The following HNRNPUL1 variants were observed in gnomAD, a reference collection of about 807,000 sequenced individuals.
The protein encoded by HNRNPUL1 is heterogeneous nuclear ribonucleoprotein U like 1, also known as heterogeneous nuclear ribonucleoprotein U-like protein 1.
Under a neutral mutation model 108.5 loss-of-function variants are expected in HNRNPUL1, and 14 were observed. That is an observed-to-expected ratio of 0.13 (90% CI 0.09 to 0.20). HNRNPUL1 has a LOEUF of 0.20. HNRNPUL1 is among the 10% of genes least tolerant of loss of function. HNRNPUL1 has a pLI of 1.00. For synonymous variants in HNRNPUL1, 422 were observed against 445.2 expected (o/e 0.95, Z 0.66); for missense variants, 804 against 1,168.3 (o/e 0.69, Z 4.55).
rs781111226 is a variant in HNRNPUL1 at position 41,273,943 on chromosome 19, C to T, written c.573-39C>T. On this transcript the variant is annotated intron_variant, in intron 3 of 14. Transcript: ENST00000392006. ...TCATTTTCTTTCCTTTGTGCTCATCCATTGTTCTTGTATGACTTAACCCCT... is the reference window on the plus strand; with the variant it reads ...TCATTTTCTTTCCTTTGTGCTCATCTATTGTTCTTGTATGACTTAACCCCT... The T allele has an allele frequency of 1.9e-5, 28 of 1,480,142 alleles. No individual in the cohort carries two copies. The South Asian group carries it at 2.9e-4, about 16-fold the overall frequency. The allele number at this position is 1,480,142 out of a possible 1,614,324, so 91.7% of individuals were successfully genotyped here. A position where few individuals can be genotyped will look rare whatever the true frequency, so the allele number is the denominator to read the frequency against.
intron 5 of HNRNPUL1, among the ~76,000 whole-genome samples, chr19:41,277,974 A>G (rs189174637): frequency 3.5e-4 from 53 of 150,672 alleles, no homozygotes; most frequent in Non-Finnish European, 1.0e-4. Context: ...TTTTAACTTA[A>G]TACTGTATCT....
At chr19:41,283,684 G>T (rs560450243) in intron 7 of HNRNPUL1, among the ~76,000 whole-genome samples, 28 of 152,160 alleles carry the variant, frequency 1.8e-4, no homozygotes, top group African/African-American at 5.8e-4. Flanking sequence ...TTGAACTCCT[G>T]ACCTTAGGTG....
In HNRNPUL1 at chr19:41,305,809, C is replaced by T; in HGVS notation, c.2396C>T (p.Pro799Leu). 1 of 1,612,110 alleles carries T rather than the reference C, an allele frequency of 6.2e-7. No individual in the cohort carries two copies. The highest frequency in any genetic ancestry group is 8.5e-7 in the Non-Finnish European group (1 of 1,178,868). ...GGTTACAACCCGGCCCCCTATACCCCACCGCCACCCCCCACTGCACAGACC... is the reference window on the plus strand; with the variant it reads ...GGTTACAACCCGGCCCCCTATACCCTACCGCCACCCCCCACTGCACAGACC... Reference protein sequence around the residue: ...YGGYNPAPYTPPPPPTAQTYP... With the variant: ...YGGYNPAPYTLPPPPTAQTYP... The change falls in exon 14 of 15, where the codon CCA becomes CTA. Residue 799 changes from proline (P) to leucine (L), a missense_variant. Pro to Leu is a moderately conservative substitution (Grantham distance 98). Transcript: ENST00000392006.
At chr19:41,276,117 A>G (rs1168682818) in intron 4 of HNRNPUL1, 42 bp from the exon 5 acceptor site, 2 of 1,613,258 alleles carry the variant, frequency 1.2e-6, no homozygotes, top group African/African-American at 2.7e-5. Context: ...AAAACAAAAC[A>G]AAATAAAAAC....
intron 4 of HNRNPUL1, among the ~76,000 whole-genome samples, chr19:41,275,566 G>A (rs903006510): frequency 2.6e-5 from 4 of 152,120 alleles, no homozygotes; most frequent in Admixed American, 2.6e-4. Flanking sequence ...AAAGACATGT[G>A]TTGACAATTT....
chr19:41,277,317 A>G (rs2035624659), intron 5 of HNRNPUL1, among the ~76,000 whole-genome samples: 1 of 152,162 alleles, frequency 6.6e-6, no homozygotes, highest in African/African-American at 2.4e-5. Flanking sequence ...GATTATCTCC[A>G]TTAATCCTCA....
At chr19:41,269,089 C>T (rs190840798) in intron 2 of HNRNPUL1, among the ~76,000 whole-genome samples, 15 of 151,682 alleles carry the variant, frequency 9.9e-5, no homozygotes, top group Admixed American at 7.2e-4. Context: ...TGTGCTATAT[C>T]GTCTCTTGGA....
At chr19:41,304,720 A>T (rs1390239956) in intron 13 of HNRNPUL1, among the ~76,000 whole-genome samples, 1 of 152,228 alleles carries the variant, frequency 6.6e-6, no homozygotes, top group Admixed American at 6.5e-5. Context: ...AATCCTGAGC[A>T]GCTCCAGGCT....
chr19:41,270,329 A>G (rs2035146138), intron 2 of HNRNPUL1, among the ~76,000 whole-genome samples: 1 of 152,018 alleles, frequency 6.6e-6, no homozygotes, highest in Non-Finnish European at 1.5e-5. Flanking sequence ...CACTTGAGCT[A>G]GGAAGTTGAG....
chr19:41,287,406 A>G (rs995889380), intron 7 of HNRNPUL1, among the ~76,000 whole-genome samples: 4 of 152,100 alleles, frequency 2.6e-5, no homozygotes, highest in African/African-American at 9.7e-5. Flanking sequence ...AAATTTTGTC[A>G]CTTGTCCCAA....
chr19:41,282,508 A>G (rs2035957295), intron 7 of HNRNPUL1, among the ~76,000 whole-genome samples: 1 of 151,838 alleles, frequency 6.6e-6, no homozygotes, highest in African/African-American at 2.4e-5. Flanking sequence ...ACTTTGAGAT[A>G]AATTCAAACT....
At chr19:41,290,233 C>T (rs896499647) in intron 7 of HNRNPUL1, among the ~76,000 whole-genome samples, 42 of 152,296 alleles carry the variant, frequency 2.8e-4, no homozygotes, top group African/African-American at 9.6e-4. Context: ...TTGCTTCAGT[C>T]TGCTATCTAA....
In HNRNPUL1 at chr19:41,306,439, C is replaced by T. The variant is rs142080577; in HGVS notation, c.2455-10C>T. The stretch of plus-strand genomic sequence containing the variant: ...CAGGACAACTTGGTGTTCTTGGTTT[C>T]TTTCCCCAGTATGCCCAGCAGTGGA... On this transcript the variant is annotated splice_polypyrimidine_tract_variant and intron_variant, in intron 14 of 14. Transcript: ENST00000392006. The T allele has an allele frequency of 6.4e-7, 1 of 1,563,258 alleles. No homozygotes were observed. The highest frequency in any genetic ancestry group is 1.4e-5 in the African/African-American group (1 of 73,114).
chr19:41,296,867 T>A (rs1447185882), intron 10 of HNRNPUL1, among the ~76,000 whole-genome samples: 1 of 152,158 alleles, frequency 6.6e-6, no homozygotes, highest in African/African-American at 2.4e-5. Context: ...AGTGGTCAGA[T>A]CTCCCCAGAT....
chr19:41,285,286 G>C (rs1479382073), intron 7 of HNRNPUL1, among the ~76,000 whole-genome samples: 1 of 152,162 alleles, frequency 6.6e-6, no homozygotes, highest in East Asian at 1.9e-4. Flanking sequence ...AAGTGCAGTG[G>C]TATGATCTCA....
intron 2 of HNRNPUL1, 23 bp from the exon 3 acceptor site, chr19:41,272,059 A>G (rs1326285125): frequency 6.2e-7 from 1 of 1,612,638 alleles, no homozygotes; most frequent in Admixed American, 1.7e-5. Context: ...TGTCTTGACC[A>G]TCTGAATTTG....
chr19:41,274,145 C>T, intron 4 of HNRNPUL1, 90 bp downstream of exon 4: 2 of 1,043,702 alleles, frequency 1.9e-6, no homozygotes, highest in South Asian at 2.6e-5. Flanking sequence ...CTGCTGGGCA[C>T]CGTCCAAAGA....
chr19:41,297,587 C>G (rs960665780), intron 10 of HNRNPUL1, among the ~76,000 whole-genome samples: 1 of 152,212 alleles, frequency 6.6e-6, no homozygotes, highest in Non-Finnish European at 1.5e-5. Context: ...CAGGAACTGA[C>G]TGGCCTGCTG....
chr19:41,288,514 G>A (rs1326115219), intron 7 of HNRNPUL1, among the ~76,000 whole-genome samples: 1 of 152,162 alleles, frequency 6.6e-6, no homozygotes, highest in African/African-American at 2.4e-5. Flanking sequence ...AAAGTGCTGA[G>A]ATTACAAGCG....
Sources: gnomAD v4.1 joint callset for allele counts (sites outside exome capture counted in the v4.1 genomes callset) on GRCh38, gnomAD v4.1.1 for gene constraint, MANE v1.5 for transcripts, NCBI Gene and HGNC (gene_info 2026-07-23, HGNC 2026-07-21) for gene names.